TBC1D19: variants seen among roughly 807,000 people sequenced by gnomAD.
TBC1D19 encodes TBC1 domain family, member 19.
In TBC1D19, 60 loss-of-function variants were observed where a neutral mutation model predicts 89.0. That is an observed-to-expected ratio of 0.67 (90% CI 0.55 to 0.84). The LOEUF (loss-of-function observed/expected upper bound fraction) is 0.84. Ranked by LOEUF, TBC1D19 falls within the 40% of genes least tolerant of loss-of-function variation. The pLI is 0.00. For missense variants in TBC1D19, 500 were observed against 610.8 expected (o/e 0.82, Z 1.91); for synonymous variants, 189 against 199.7 (o/e 0.95, Z 0.45).
chr4:26,767,433 A>G, the TBC1D19 span, among the ~76,000 whole-genome samples: 2 of 152,180 alleles, frequency 1.3e-5, no homozygotes, highest in East Asian at 1.9e-4. Flanking sequence ...CCCCACTCCC[A>G]GAAGTCATAT....
At chr4:26,741,122 C>T (rs1037341509) in intron 17 of TBC1D19, among the ~76,000 whole-genome samples, 13 of 151,880 alleles carry the variant, frequency 8.6e-5, no homozygotes, top group African/African-American at 2.9e-4. Context: ...TTTGGGAGGC[C>T]GAGGCGGGTG....
the TBC1D19 span, chr4:26,857,967 C>T: frequency 6.6e-6 from 1 of 152,242 alleles, no homozygotes; most frequent in Non-Finnish European, 1.5e-5. Context: ...TATCCTAAGC[C>T]AAGAACACGC....
intron 4 of TBC1D19, among the ~76,000 whole-genome samples, chr4:26,621,607 T>A (rs1742052515): frequency 6.6e-6 from 1 of 152,168 alleles, no homozygotes; most frequent in South Asian, 2.1e-4. Flanking sequence ...TAGGCACTTT[T>A]TTCGACTTTT....
chr4:26,633,427 C>G (rs1742924727), intron 4 of TBC1D19, among the ~76,000 whole-genome samples: 1 of 152,074 alleles, frequency 6.6e-6, no homozygotes, highest in Non-Finnish European at 1.5e-5. Context: ...TAAAAACAGT[C>G]CTTTACTGAC....
chr4:26,799,453 A>G, the TBC1D19 span, among the ~76,000 whole-genome samples: 2 of 152,236 alleles, frequency 1.3e-5, no homozygotes, highest in African/African-American at 2.4e-5. Context: ...CCAGATAAAT[A>G]TGAAAAACTT....
intron 11 of TBC1D19, among the ~76,000 whole-genome samples, chr4:26,674,203 G>A (rs555824369): frequency 9.2e-5 from 14 of 152,116 alleles, no homozygotes; most frequent in African/African-American, 3.1e-4. Context: ...GGTTGAATAC[G>A]GATGTTAGAC....
At chr4:26,817,981 A>AAAATATATAT in the TBC1D19 span, among the ~76,000 whole-genome samples, 125 of 126,030 alleles carry the variant, frequency 9.9e-4, 1 homozygote, top group African/African-American at 4.5e-3. Context: ...AAAAAAAAAA[A>AAAATATATAT]ATATATATAT....
chr4:26,692,051 C>T (rs981616522), intron 13 of TBC1D19, among the ~76,000 whole-genome samples: 2 of 152,112 alleles, frequency 1.3e-5, no homozygotes, highest in Admixed American at 6.5e-5. Flanking sequence ...TACTAAATCT[C>T]GGTAAAAATA....
At chr4:26,806,880 G>A in the TBC1D19 span, among the ~76,000 whole-genome samples, 1 of 152,222 alleles carries the variant, frequency 6.6e-6, no homozygotes, top group Admixed American at 6.5e-5. Context: ...GCTGGTAAAT[G>A]CCAGAAGCTA....
intron 3 of TBC1D19, among the ~76,000 whole-genome samples, chr4:26,617,788 C>T (rs1741786728): frequency 6.6e-6 from 1 of 152,102 alleles, no homozygotes; most frequent in African/African-American, 2.4e-5. Context: ...CTTTTTCCCT[C>T]AAGGAACATA....
chr4:26,809,708 TC>T, the TBC1D19 span, among the ~76,000 whole-genome samples: 1 of 152,150 alleles, frequency 6.6e-6, no homozygotes, highest in African/African-American at 2.4e-5. Flanking sequence ...CTCAGAGTTA[TC>T]ACACCTGAGC....
chr4:26,848,999 G>A, the TBC1D19 span, among the ~76,000 whole-genome samples: 1 of 151,982 alleles, frequency 6.6e-6, no homozygotes, highest in African/African-American at 2.4e-5. Context: ...TTGAGACCCT[G>A]TCTCCACAAA....
chr4:26,704,883 A>G (rs531000306), intron 13 of TBC1D19, among the ~76,000 whole-genome samples: 1 of 152,218 alleles, frequency 6.6e-6, no homozygotes, highest in South Asian at 2.1e-4. Flanking sequence ...TATTCCAACA[A>G]TAGTGTACAA....
the TBC1D19 span, among the ~76,000 whole-genome samples, chr4:26,765,469 G>A: frequency 5.9e-5 from 9 of 151,886 alleles, no homozygotes; most frequent in Non-Finnish European, 1.0e-4. Context: ...GGTTTATTAA[G>A]GAGGGGAATT....
chr4:26,637,703 G>A (rs751955150), intron 5 of TBC1D19, among the ~76,000 whole-genome samples: 13 of 151,850 alleles, frequency 8.6e-5, no homozygotes, highest in Non-Finnish European at 1.8e-4. Flanking sequence ...ATATCACCTT[G>A]GTTTGAAACA....
intron 3 of TBC1D19, among the ~76,000 whole-genome samples, chr4:26,615,729 T>C (rs775991681): frequency 8.5e-5 from 13 of 152,202 alleles, no homozygotes; most frequent in Non-Finnish European, 1.8e-4. Flanking sequence ...ATGTTAGATA[T>C]AAGTGCTATC....
At chr4:26,672,236 C>A (rs1352353998) in intron 10 of TBC1D19, 49 bp downstream of exon 10, 10 of 1,274,690 alleles carry the variant, frequency 7.8e-6, no homozygotes, top group Non-Finnish European at 9.2e-6. Flanking sequence ...TGAGACAGTC[C>A]CAGCTAAATG....
the TBC1D19 span, among the ~76,000 whole-genome samples, chr4:26,843,602 C>T: frequency 6.6e-6 from 1 of 151,608 alleles, no homozygotes; most frequent in East Asian, 1.9e-4. Context: ...AATAGCAGAG[C>T]AAGAGTTCCT....
At chr4:26,591,975 C>A (rs1041245601) in intron 1 of TBC1D19, among the ~76,000 whole-genome samples, 13 of 152,278 alleles carry the variant, frequency 8.5e-5, no homozygotes, top group African/African-American at 3.1e-4. Context: ...GGAATCCTCC[C>A]TAACTCATTT....
Sources: allele counts gnomAD v4.1 joint callset (sites outside exome capture counted in the v4.1 genomes callset), GRCh38; gene constraint gnomAD v4.1.1; transcripts MANE v1.5; gene names NCBI Gene and HGNC (gene_info 2026-07-23, HGNC 2026-07-21).